EYA2: variants seen among roughly 807,000 people sequenced by gnomAD.
The protein encoded by EYA2 is protein phosphatase EYA2.
Under a neutral mutation model 69.2 loss-of-function variants are expected in EYA2, and 31 were observed. The ratio of observed to expected loss-of-function variants is 0.45; its 90% CI spans 0.34 to 0.60. The LOEUF (loss-of-function observed/expected upper bound fraction) is 0.60. EYA2 is among the 20% of genes least tolerant of loss of function. The probability of loss-of-function intolerance (pLI) is 0.02; values close to 1 mark genes in which losing one functional copy is unlikely to be tolerated. For synonymous variants in EYA2, 257 were observed against 279.4 expected, an observed-to-expected ratio of 0.92 and a Z score of 0.80; for missense variants, 622 against 701.2, an observed-to-expected ratio of 0.89 and a Z score of 1.28.
At chr20:47,011,990 C>G (rs1243645999) in intron 4 of EYA2, among the ~76,000 whole-genome samples, 1 of 152,192 alleles carries the variant, frequency 6.6e-6, no homozygotes, top group Admixed American at 6.6e-5. Context: ...TGCTTCTCCT[C>G]TGCTGTGTGT....
intron 5 of EYA2, among the ~76,000 whole-genome samples, chr20:47,069,504 C>A (rs928207043): frequency 2.0e-5 from 3 of 152,040 alleles, no homozygotes; most frequent in Admixed American, 2.0e-4. Context: ...AAAAAATCAC[C>A]ATAAAGCTTC....
Position 47,089,263 on chromosome 20 carries a change from C to T in EYA2, c.686C>T (p.Pro229Leu). 6.2e-7 allele frequency: 1 copy of T among 1,614,154 alleles called. No individual in the cohort carries two copies. The highest frequency in any genetic ancestry group is 8.5e-7 in the Non-Finnish European group (1 of 1,180,022). Residue 229 changes from proline to leucine, a missense_variant, in exon 8 of 16, where the codon CCT becomes CTT. By Grantham distance (98) the Pro-to-Leu change is moderately conservative (BLOSUM62 -3). Around this residue, in one of 2 missense-constraint regions of EYA2, gnomAD observed 365 missense variants for 349.7 expected, o/e 1.04. Coordinates refer to ENST00000327619, the MANE Select transcript of EYA2 (RefSeq NM_005244.5). ...LAGEYNTHNG[P>L]STPAKEGDTD... ...GGTGAATACAACACACACAATGGAC[C>T]TTCCACACCAGCGAAAGAGGGAGAC...
intron 10 of EYA2, chr20:47,160,874 C>T (rs944728299): frequency 8.4e-6 from 2 of 236,702 alleles, no homozygotes; most frequent in Admixed American, 4.2e-5. Flanking sequence ...GAGTCCTCTG[C>T]ACAGAGACTC....
chr20:47,054,101 GATAAGT>G (rs145612250), intron 5 of EYA2, among the ~76,000 whole-genome samples: 2,378 of 152,238 alleles, frequency 0.016, 46 homozygotes, highest in African/African-American at 0.054. Flanking sequence ...GTAAGAATTT[GATAAGT>G]ATAAGTGATT....
intron 1 of EYA2, among the ~76,000 whole-genome samples, chr20:46,936,907 G>A (rs1252536160): frequency 6.6e-6 from 1 of 152,158 alleles, no homozygotes; most frequent in Non-Finnish European, 1.5e-5. Context: ...GAGCCCTTGT[G>A]TTCAAGCCCG....
intron 15 of EYA2, among the ~76,000 whole-genome samples, chr20:47,185,276 C>CTTTTTTTTTTTTTTTT (rs765083065): frequency 1.8e-5 from 1 of 55,932 alleles, no homozygotes; most frequent in Non-Finnish European, 3.2e-5. Flanking sequence ...GAATCACACT[C>CTTTTTTTTTTTTTTTT]TTTTTTTTTT....
At chr20:46,923,875 G>A (rs984614484) in intron 1 of EYA2, among the ~76,000 whole-genome samples, 10 of 152,120 alleles carry the variant, frequency 6.6e-5, no homozygotes, top group Non-Finnish European at 1.3e-4. Flanking sequence ...AACATGGAAC[G>A]CCTTAGTGAT....
intron 4 of EYA2, among the ~76,000 whole-genome samples, chr20:47,009,324 G>A (rs931279858): frequency 6.6e-6 from 1 of 152,220 alleles, no homozygotes; most frequent in Non-Finnish European, 1.5e-5. Flanking sequence ...AAACCTTGTT[G>A]AATCTTGTCA....
intron 10 of EYA2, among the ~76,000 whole-genome samples, chr20:47,162,971 T>C (rs1394548989): frequency 6.6e-6 from 1 of 152,142 alleles, no homozygotes. Context: ...TATATCCATA[T>C]AAAAATCTCA....
Position 46,951,387 on chromosome 20 carries a change from C to T in EYA2, c.-10-38614C>T, listed in dbSNP as rs147405859. ...CCTAGCGTCTGTGCCCCCAACCTCC[C>T]CAGAAATTCTCTAAGTCGTTTGCTA... On this transcript the variant is annotated intron_variant, in intron 1 of 15. Coordinates refer to ENST00000327619, the MANE Select transcript of EYA2 (RefSeq NM_005244.5). Among the ~76,000 whole-genome samples the T allele has an allele frequency of 9.3e-4, 142 of 152,250 alleles. 3 individuals carry two copies. The highest frequency in any genetic ancestry group is 3.2e-3 in the African/African-American group (132 of 41,536).
chr20:47,008,817 A>G (rs1982886565), intron 4 of EYA2, among the ~76,000 whole-genome samples: 1 of 152,160 alleles, frequency 6.6e-6, no homozygotes, highest in Non-Finnish European at 1.5e-5. Flanking sequence ...ACATTCATAC[A>G]ATGGGAGTAA....
At chr20:46,996,959 A>G (rs1982064990) in intron 2 of EYA2, among the ~76,000 whole-genome samples, 2 of 152,174 alleles carry the variant, frequency 1.3e-5, no homozygotes, top group African/African-American at 4.8e-5. Context: ...TACGCCAGAA[A>G]GTGGCTCGAG....
chr20:47,041,148 A>C (rs554431710), intron 5 of EYA2, among the ~76,000 whole-genome samples: 107 of 152,318 alleles, frequency 7.0e-4, no homozygotes, highest in Non-Finnish European at 1.3e-4. Context: ...CGCCCCTGCG[A>C]GTTAGAATTC....
chr20:47,029,159 A>G (rs1984264029), intron 5 of EYA2, among the ~76,000 whole-genome samples: 1 of 152,162 alleles, frequency 6.6e-6, no homozygotes. Flanking sequence ...TCAGAAGGGG[A>G]AGAAATGGGG....
At chr20:46,925,916 CAGATAAT>C (rs113694129) in intron 1 of EYA2, among the ~76,000 whole-genome samples, 17,439 of 152,084 alleles carry the variant, frequency 0.11, 1,432 homozygotes, top group East Asian at 0.47. Flanking sequence ...CAGGTGCTCA[CAGATAAT>C]AGAGAATTGG....
At chr20:47,173,600 T>G (rs781664669) in intron 12 of EYA2, among the ~76,000 whole-genome samples, 2 of 151,814 alleles carry the variant, frequency 1.3e-5, no homozygotes, top group East Asian at 3.9e-4. Context: ...TTTTTTTTAT[T>G]TTTGAGACAA....
intron 10 of EYA2, among the ~76,000 whole-genome samples, chr20:47,149,859 GTAAA>G (rs1261953965): frequency 1.3e-5 from 2 of 152,064 alleles, no homozygotes; most frequent in African/African-American, 4.8e-5. Context: ...CTCAAAATAA[GTAAA>G]TAAATACATA....
intron 5 of EYA2, among the ~76,000 whole-genome samples, chr20:47,069,485 G>A (rs2031233605): frequency 6.6e-6 from 1 of 152,016 alleles, no homozygotes; most frequent in Non-Finnish European, 1.5e-5. Context: ...GCGAGATTCT[G>A]TTTTTTAAAA....
intron 9 of EYA2, among the ~76,000 whole-genome samples, chr20:47,139,190 G>C (rs1188808973): frequency 6.6e-6 from 1 of 152,112 alleles, no homozygotes; most frequent in Non-Finnish European, 1.5e-5. Context: ...ATGTCCCCTT[G>C]CTCATGTGTA....
Sources: allele counts gnomAD v4.1 joint callset (sites outside exome capture counted in the v4.1 genomes callset), GRCh38; gene constraint gnomAD v4.1.1; regional missense constraint gnomAD v4.1.1; transcripts MANE v1.5; gene names NCBI Gene and HGNC (gene_info 2026-07-23, HGNC 2026-07-21).